The following CDH18 variants were observed in gnomAD, a reference collection of about 807,000 sequenced individuals.
CDH18 encodes cadherin 18.
A neutral mutation model predicts 67.9 loss-of-function variants in CDH18; 31 were observed. The ratio of observed to expected loss-of-function variants is 0.46; its 90% CI spans 0.34 to 0.62. The LOEUF (loss-of-function observed/expected upper bound fraction) is 0.62. Among genes scored for constraint, CDH18 ranks in the 20% least tolerant of loss-of-function variants. The pLI is 0.01. For synonymous variants in CDH18, 362 were observed against 347.2 expected, an observed-to-expected ratio of 1.04 and a Z score of -0.48; for missense variants, 890 against 975.5, an observed-to-expected ratio of 0.91 and a Z score of 1.17.
At chr5:20,228,274 G>A (rs1741794425) in intron 2 of CDH18, among the ~76,000 whole-genome samples, 1 of 151,848 alleles carries the variant, frequency 6.6e-6, no homozygotes, top group Non-Finnish European at 1.5e-5. Context: ...TTCTCCTCAA[G>A]CTAGAAGTAC....
chr5:19,635,161 G>C (rs1752961851), intron 5 of CDH18, among the ~76,000 whole-genome samples: 1 of 152,116 alleles, frequency 6.6e-6, no homozygotes, highest in Non-Finnish European at 1.5e-5. Flanking sequence ...TAAGTGCTTA[G>C]TGATTTTCCT....
intron 2 of CDH18, among the ~76,000 whole-genome samples, chr5:20,038,462 C>T (rs1296725410): frequency 6.6e-6 from 1 of 152,126 alleles, no homozygotes; most frequent in South Asian, 2.1e-4. Context: ...TACTGACAAC[C>T]CAAATCCAGC....
intron 1 of CDH18, among the ~76,000 whole-genome samples, chr5:20,537,203 TATC>T (rs1756773671): frequency 6.6e-6 from 1 of 152,178 alleles, no homozygotes; most frequent in Non-Finnish European, 1.5e-5. Context: ...ATTTCCTGTT[TATC>T]TTCTATCCTA....
At chr5:20,566,100 CTAAT>C (rs1396363103) in intron 1 of CDH18, among the ~76,000 whole-genome samples, 1 of 152,034 alleles carries the variant, frequency 6.6e-6, no homozygotes, top group Non-Finnish European at 1.5e-5. Context: ...AGCACTGACT[CTAAT>C]TAGTAAAGTC....
intron 1 of CDH18, among the ~76,000 whole-genome samples, chr5:20,523,337 T>C (rs1488471759): frequency 6.6e-6 from 1 of 152,192 alleles, no homozygotes; most frequent in African/African-American, 2.4e-5. Flanking sequence ...ACAAGCATGC[T>C]TTCGGGCATT....
chr5:20,242,925 A>C (rs1243927506), intron 2 of CDH18, among the ~76,000 whole-genome samples: 2 of 151,950 alleles, frequency 1.3e-5, no homozygotes, highest in Non-Finnish European at 2.9e-5. Context: ...GAAAACAATC[A>C]TCACTGTATT....
intron 3 of CDH18, among the ~76,000 whole-genome samples, chr5:19,769,058 A>G (rs1459777105): frequency 6.6e-6 from 1 of 152,086 alleles, no homozygotes; most frequent in East Asian, 1.9e-4. Flanking sequence ...AAAAATAAAC[A>G]GCATATAAGA....
intron 2 of CDH18, among the ~76,000 whole-genome samples, chr5:20,011,869 G>A (rs1002863634): frequency 1.3e-5 from 2 of 152,018 alleles, no homozygotes; most frequent in Admixed American, 1.3e-4. Context: ...TTGCATCAAT[G>A]TTCATCAAGG....
Position 20,552,943 on chromosome 5 carries a change from CAG to C in CDH18, c.-580+22517_-580+22518del, listed in dbSNP as rs571764657. On this transcript the variant is annotated intron_variant, in intron 1 of 14. Coordinates refer to the CDH18 transcript ENST00000507958. The stretch of plus-strand genomic sequence containing the variant: ...CTAATTTTTGTATTTTTAGTAGAGA[CAG>C]GGTTTCACCATGTTGGCCAGGCTGG... Among the ~76,000 whole-genome samples, 431 of 152,112 alleles carry C rather than the reference CAG, an allele frequency of 2.8e-3. 5 individuals carry two copies. Among genetic ancestry groups the C allele is most frequent in the African/African-American group, 9.5e-3 (395 of 41,524 alleles).
At chr5:20,426,833 A>G (rs1017315251) in intron 1 of CDH18, among the ~76,000 whole-genome samples, 1 of 151,264 alleles carries the variant, frequency 6.6e-6, no homozygotes, top group Admixed American at 6.6e-5. Context: ...GATAGGTTGC[A>G]AACAATTTGC....
At chr5:19,512,672 C>G (rs1030777217) in intron 10 of CDH18, among the ~76,000 whole-genome samples, 1 of 152,140 alleles carries the variant, frequency 6.6e-6, no homozygotes, top group Admixed American at 6.6e-5. Flanking sequence ...CTGCGTATAG[C>G]AGCATTGTCA....
At chr5:19,841,249 T>C (rs1390857656) in intron 2 of CDH18, among the ~76,000 whole-genome samples, 1 of 152,164 alleles carries the variant, frequency 6.6e-6, no homozygotes. Context: ...AGCAAAGGTA[T>C]CCTTCCCTCT....
chr5:20,492,318 G>GA (rs550475262), intron 1 of CDH18, among the ~76,000 whole-genome samples: 19 of 150,798 alleles, frequency 1.3e-4, no homozygotes, highest in Non-Finnish European at 2.4e-4. Flanking sequence ...CTTTCTTTAG[G>GA]AAAAAAAATG....
At chr5:20,298,355 C>T (rs1263897520) in intron 1 of CDH18, among the ~76,000 whole-genome samples, 1 of 151,836 alleles carries the variant, frequency 6.6e-6, no homozygotes, top group African/African-American at 2.4e-5. Flanking sequence ...TGGAAGAAAC[C>T]CCAACTTAAT....
chr5:19,792,288 A>G (rs959266996), intron 3 of CDH18, among the ~76,000 whole-genome samples: 7 of 152,158 alleles, frequency 4.6e-5, no homozygotes, highest in Non-Finnish European at 8.8e-5. Flanking sequence ...TGGGGCGTTC[A>G]TCTTCTCCTG....
chr5:19,613,277 A>G (rs1033423328), intron 5 of CDH18, among the ~76,000 whole-genome samples: 1 of 152,174 alleles, frequency 6.6e-6, no homozygotes, highest in Non-Finnish European at 1.5e-5. Flanking sequence ...ATATTGATTT[A>G]AGCAGAGGCT....
chr5:19,615,724 C>T (rs888967787), intron 5 of CDH18, among the ~76,000 whole-genome samples: 34 of 152,098 alleles, frequency 2.2e-4, no homozygotes, highest in African/African-American at 8.0e-4. Context: ...CTGGCAACCA[C>T]GAATCTTTTT....
intron 12 of CDH18, 29 bp downstream of exon 12, chr5:19,483,272 A>G: frequency 6.3e-7 from 1 of 1,584,542 alleles, no homozygotes; most frequent in Non-Finnish European, 8.6e-7. Context: ...AATTGCCATC[A>G]TGCAAACTTA....
At chr5:19,970,901 CAG>C (rs985747781) in intron 2 of CDH18, among the ~76,000 whole-genome samples, 42 of 151,634 alleles carry the variant, frequency 2.8e-4, no homozygotes, top group Admixed American at 8.6e-4. Flanking sequence ...TTTTTAAAAA[CAG>C]ATAGTGAAGA....
Sources: gnomAD v4.1 joint callset for allele counts (sites outside exome capture counted in the v4.1 genomes callset) on GRCh38, gnomAD v4.1.1 for gene constraint, MANE v1.5 for transcripts, NCBI Gene and HGNC (gene_info 2026-07-23, HGNC 2026-07-21) for gene names.